USP34: variants seen among roughly 807,000 people sequenced by gnomAD.
USP34 encodes ubiquitin specific peptidase 34.
USP34 carries 70 observed loss-of-function variants against 460.3 expected under a neutral mutation model. The ratio of observed to expected loss-of-function variants is 0.15; its 90% CI spans 0.13 to 0.19. The LOEUF is 0.19. Ranked by LOEUF, USP34 falls within the 10% of genes least tolerant of loss-of-function variation. The pLI is 1.00. For missense variants in USP34, 3,985 were observed against 4,236.2 expected (o/e 0.94, Z 1.65); for synonymous variants, 1,647 against 1,405.3 (o/e 1.17, Z -3.85).
intron 53 of USP34, among the ~76,000 whole-genome samples, chr2:61,236,711 T>C (rs879026841): frequency 6.6e-6 from 1 of 152,184 alleles, no homozygotes; most frequent in Admixed American, 6.5e-5. Flanking sequence ...TACATTCTGA[T>C]AAGGTTACAA....
In USP34 at chr2:61,229,776, C is replaced by G. The variant is rs1273669405; in HGVS notation, c.7114-143G>C. On this transcript the variant is annotated intron_variant, in intron 58 of 79. Coordinates refer to ENST00000398571, the MANE Select transcript of USP34 (RefSeq NM_014709.4). ...GTATTCTGGAGCTCTTCTGGAGTCT[C>G]AACAATGGACTAAGGAAATGAGGCA... The G allele has an allele frequency of 1.2e-5, 7 of 602,224 alleles. No homozygotes were observed. The African/African-American group carries it at 1.3e-4, about 11-fold the overall frequency. The allele number at this position is 602,224 out of a possible 1,614,324, so 37.3% of individuals were successfully genotyped here.
intron 41 of USP34, among the ~76,000 whole-genome samples, chr2:61,268,539 A>T (rs1446271572): frequency 6.6e-6 from 1 of 151,664 alleles, no homozygotes; most frequent in East Asian, 1.9e-4. Context: ...TGCCATGAGT[A>T]AAAGGCTCCT....
At chr2:61,231,541 C>G (rs1402151274) in intron 58 of USP34, among the ~76,000 whole-genome samples, 1 of 151,988 alleles carries the variant, frequency 6.6e-6, no homozygotes, top group Non-Finnish European at 1.5e-5. Context: ...GGGAGAGACA[C>G]TCTCTCTACA....
chr2:61,453,299 A>C (rs1055452411), intron 1 of USP34, among the ~76,000 whole-genome samples: 2 of 152,076 alleles, frequency 1.3e-5, no homozygotes, highest in African/African-American at 4.8e-5. Context: ...CTATAATCCC[A>C]GCTACTCAGG....
At chr2:61,240,057 A>AT (rs893925742) in intron 53 of USP34, among the ~76,000 whole-genome samples, 20 of 149,846 alleles carry the variant, frequency 1.3e-4, no homozygotes, top group East Asian at 5.9e-4. Context: ...CAAAAAAAAA[A>AT]TTTTTTTTTT....
Position 61,204,522 on chromosome 2 carries a change from A to C in USP34, c.9234T>G (p.Cys3078Trp), listed in dbSNP as rs374852301. The C allele has an allele frequency of 8.7e-6, 14 of 1,614,028 alleles. No homozygotes were observed. In the African/African-American group the frequency reaches 1.5e-4, roughly 17 times the overall value. Residue 3078 changes from cysteine (C) to tryptophan (W), a missense_variant, in exon 73 of 80, where the codon TGT becomes TGG. Physicochemically the swap from Cys to Trp is radical, Grantham distance 215 (BLOSUM62 -2). Coordinates refer to ENST00000398571, the MANE Select transcript of USP34 (RefSeq NM_014709.4). ...TLVPFLQHNH[C>W]TYHHSNIPMS... is the part of the protein sequence containing the mutation. The stretch of plus-strand genomic sequence containing the variant: ...TTGGTATATTACTGTGATGGTAAGT[A>C]CAATGGTTGTGTTGTAGAAAGGGAA...
chr2:61,362,739 A>G (rs1056216334), intron 10 of USP34, among the ~76,000 whole-genome samples: 2 of 152,252 alleles, frequency 1.3e-5, no homozygotes, highest in African/African-American at 4.8e-5. Context: ...ACAGTTAACA[A>G]TACTGTATTA....
chr2:61,405,721 T>A lies in USP34; in HGVS notation c.539A>T (p.His180Leu). ...TATTTTACATACCTCAATAGTAGGGTGAGTATTATGCTTGTAAGCAGTATA... is the reference window on the plus strand; with the variant it reads ...TATTTTACATACCTCAATAGTAGGGAGAGTATTATGCTTGTAAGCAGTATA... ...PLYTAYKHNT[H>L]PTIEDISTQE... Residue 180 changes from histidine to leucine, a missense_variant, in exon 3 of 80, where the codon CAC (histidine) becomes CTC (leucine). His to Leu is a moderately conservative substitution (Grantham distance 99). Transcript: ENST00000398571. 1 of 1,548,714 alleles carries A rather than the reference T, an allele frequency of 6.5e-7. No homozygotes were observed. The highest frequency in any genetic ancestry group is 8.7e-7 in the Non-Finnish European group (1 of 1,152,660).
intron 34 of USP34, among the ~76,000 whole-genome samples, chr2:61,287,001 C>A (rs975784339): frequency 6.6e-6 from 1 of 152,124 alleles, no homozygotes; most frequent in South Asian, 2.1e-4. Flanking sequence ...CTGAAAAAAA[C>A]ATGACCAAAA....
Position 61,420,840 on chromosome 2 carries a change from TAAA to T in USP34, c.44-10_44-8del, listed in dbSNP as rs751233739. 2.5e-6 allele frequency: 4 copies of T among 1,598,572 alleles called. No homozygotes were observed. The highest frequency in any genetic ancestry group is 3.5e-5 in the Admixed American group (2 of 57,740). ...CCACCTTCTACATCTGATACTGAAATAAAAAAGAAATTTTAAAATTATGAATAA... is the reference window on the plus strand; with the variant it reads ...CCACCTTCTACATCTGATACTGAAATAAAGAAATTTTAAAATTATGAATAA... On this transcript the variant is annotated splice_polypyrimidine_tract_variant and splice_region_variant and intron_variant, in intron 1 of 79. Coordinates refer to ENST00000398571, the MANE Select transcript of USP34 (RefSeq NM_014709.4).
Position 61,187,822 on chromosome 2 carries a change from T to C in USP34, c.*280A>G. 1.8e-6 allele frequency: 2 copies of C among 1,101,984 alleles called. No homozygotes were observed. Among genetic ancestry groups the C allele is most frequent in the Non-Finnish European group, 2.3e-6 (2 of 852,986 alleles). The allele number at this position is 1,101,984 out of a possible 1,614,324, so 68.3% of individuals were successfully genotyped here. A position where few individuals can be genotyped will look rare whatever the true frequency, so the allele number is the denominator to read the frequency against. On this transcript the variant is annotated 3_prime_UTR_variant, in exon 80 of 80. Transcript: ENST00000398571. ...CATTGTACAGGGCTAGGCAACCCTG[T>C]TCTTCCCAGACAGCCATATTAAATG...
intron 75 of USP34, among the ~76,000 whole-genome samples, chr2:61,201,514 T>C (rs1686976773): frequency 6.6e-6 from 1 of 152,158 alleles, no homozygotes; most frequent in South Asian, 2.1e-4. Flanking sequence ...CGTCCGGCCC[T>C]TATAGAAAGT....
At chr2:61,320,881 G>A (rs1451481597) in intron 21 of USP34, among the ~76,000 whole-genome samples, 7 of 151,888 alleles carry the variant, frequency 4.6e-5, no homozygotes, top group Non-Finnish European at 7.4e-5. Flanking sequence ...GTGGTGGTGG[G>A]TGCCTGTAAT....
chr2:61,198,832 G>A (rs1286717753), intron 75 of USP34, among the ~76,000 whole-genome samples: 3 of 152,206 alleles, frequency 2.0e-5, no homozygotes, highest in African/African-American at 7.2e-5. Flanking sequence ...TCACACCACT[G>A]CACTCCAGCC....
At chr2:61,360,176 C>G (rs1029896412) in intron 10 of USP34, among the ~76,000 whole-genome samples, 4 of 152,094 alleles carry the variant, frequency 2.6e-5, no homozygotes, top group Non-Finnish European at 5.9e-5. Context: ...ATTACCACTC[C>G]TATTCAATTT....
chr2:61,343,529 C>T (rs1691668689), intron 16 of USP34, among the ~76,000 whole-genome samples: 1 of 152,048 alleles, frequency 6.6e-6, no homozygotes, highest in Non-Finnish European at 1.5e-5. Context: ...CTAATACAAC[C>T]ATATATTTTC....
intron 53 of USP34, among the ~76,000 whole-genome samples, chr2:61,239,112 C>T (rs1162484147): frequency 1.3e-5 from 2 of 151,990 alleles, no homozygotes; most frequent in Admixed American, 1.3e-4. Context: ...GTTCTGACTG[C>T]ACCGAGTAGC....
At chr2:61,283,584 TGAGAGTGAGAGTGAGA>T (rs1279787227) in intron 35 of USP34, 135 bp from the exon 36 acceptor site, 2 of 725,354 alleles carry the variant, frequency 2.8e-6, no homozygotes, top group Non-Finnish European at 2.2e-6. Flanking sequence ...TGAGTGAGAG[TGAGAGTGAGAGTGAGA>T]GAGAGTGTGA....
intron 15 of USP34, among the ~76,000 whole-genome samples, chr2:61,345,976 C>A (rs971309297): frequency 6.6e-6 from 1 of 152,074 alleles, no homozygotes; most frequent in Non-Finnish European, 1.5e-5. Flanking sequence ...ATAATACCAC[C>A]ACTAAGTGAC....
Sources: gnomAD v4.1 joint callset for allele counts (sites outside exome capture counted in the v4.1 genomes callset) on GRCh38, gnomAD v4.1.1 for gene constraint, MANE v1.5 for transcripts, NCBI Gene and HGNC (gene_info 2026-07-23, HGNC 2026-07-21) for gene names.